KRAS: variants seen among roughly 807,000 people sequenced by gnomAD.
The protein encoded by KRAS is GTPase KRas.
KRAS carries 1 observed loss-of-function variant against 21.0 expected under a neutral mutation model. That is an observed-to-expected ratio of 0.05 (90% CI 0.02 to 0.23). KRAS has a LOEUF of 0.23. Ranked by LOEUF, KRAS falls within the 10% of genes least tolerant of loss-of-function variation. The probability of loss-of-function intolerance (pLI) is 1.00; values close to 1 mark genes in which losing one functional copy is unlikely to be tolerated. For missense variants in KRAS, 107 were observed against 221.8 expected, an observed-to-expected ratio of 0.48 and a Z score of 3.29; for synonymous variants, 67 against 72.5, an observed-to-expected ratio of 0.92 and a Z score of 0.39.
chr12:25,222,128 G>A (rs1383612139), intron 4 of KRAS, among the ~76,000 whole-genome samples: 4 of 141,262 alleles, frequency 2.8e-5, no homozygotes, highest in Admixed American at 1.4e-4. Context: ...CAGCCTGGGC[G>A]ACAAAGCAAG....
At chr12:25,225,028 A>G (rs1410786234) in intron 4 of KRAS, 1 of 151,998 alleles carries the variant, frequency 6.6e-6, no homozygotes, top group African/African-American at 2.4e-5. Flanking sequence ...AACAAAGATG[A>G]TTTTTGAAAC....
intron 2 of KRAS, among the ~76,000 whole-genome samples, chr12:25,241,278 T>C (rs981193384): frequency 6.6e-6 from 1 of 152,196 alleles, no homozygotes; most frequent in Non-Finnish European, 1.5e-5. Context: ...ACGAATATAT[T>C]TATAAATTGA....
chr12:25,236,634 AAGAG>A (rs1951547711), intron 2 of KRAS, among the ~76,000 whole-genome samples: 1 of 151,884 alleles, frequency 6.6e-6, no homozygotes, highest in Admixed American at 6.6e-5. Flanking sequence ...GGGTGGAAAT[AAGAG>A]AGAGAAGAAG....
intron 1 of KRAS, among the ~76,000 whole-genome samples, chr12:25,248,694 C>A (rs1253454939): frequency 6.6e-6 from 1 of 151,794 alleles, no homozygotes; most frequent in African/African-American, 2.4e-5. Context: ...AGGAGTCTTA[C>A]CAAATGAAGA....
chr12:25,225,961 G>C (rs1308967625), intron 3 of KRAS, among the ~76,000 whole-genome samples, 188 bp from the exon 4 acceptor site: 1 of 151,886 alleles, frequency 6.6e-6, no homozygotes, highest in African/African-American at 2.4e-5. Context: ...CAGAAACCTT[G>C]TATCTCTCTC....
chr12:25,219,903 C>T lies in KRAS; in HGVS notation c.450+5711G>A, dbSNP rs61762428. On this transcript the variant is annotated intron_variant, in intron 4 of 4. Coordinates refer to ENST00000311936, the MANE Select transcript of KRAS (RefSeq NM_004985.5). ...GGTTGTTTTGCAAAGCATTCTTTAA[C>T]GGGGTTCTTCTAACAATTAATTTAA... is the stretch of plus-strand genomic sequence containing the variant. 4.6e-3 allele frequency among the ~76,000 whole-genome samples: 686 copies of T among 149,182 alleles called. 5 individuals are homozygous for T. Among genetic ancestry groups the T allele is most frequent in the African/African-American group, 0.016 (634 of 40,746 alleles).
intron 2 of KRAS, among the ~76,000 whole-genome samples, chr12:25,230,543 A>C (rs982161706): frequency 1.3e-5 from 2 of 152,084 alleles, no homozygotes; most frequent in Admixed American, 6.5e-5. Flanking sequence ...CAGGAGAATC[A>C]CTTGAACCCG....
At chr12:25,249,225 G>A (rs182400164) in intron 1 of KRAS, among the ~76,000 whole-genome samples, 2 of 152,044 alleles carry the variant, frequency 1.3e-5, no homozygotes, top group African/African-American at 2.4e-5. Flanking sequence ...TGAAACCCCC[G>A]TCTCTACTAA....
Position 25,222,143 on chromosome 12 carries a change from C to T in KRAS, c.450+3471G>A, listed in dbSNP as rs577454751. On this transcript the variant is annotated intron_variant, in intron 4 of 4. Transcript: ENST00000311936. ...CAGCCTGGGCGACAAAGCAAGACTC[C>T]GTCTCAAAAAAAAAAAACAAGAAAG... Among the ~76,000 whole-genome samples the T allele has an allele frequency of 3.9e-4, 42 of 107,070 alleles. 1 individual carries two copies. In the South Asian group the frequency reaches 0.014, roughly 36 times the overall value. 70.2% of individuals were successfully genotyped at this position (107,070 alleles called of 152,430 possible).
chr12:25,225,286 T>TTA (rs68164603), intron 4 of KRAS: 1 of 10,624 alleles, frequency 9.4e-5, no homozygotes, highest in African/African-American at 4.6e-4. Context: ...GCCCTGTTCT[T>TTA]TATATATATA....
At chr12:25,240,488 G>T (rs61761086) in intron 2 of KRAS, among the ~76,000 whole-genome samples, 1 of 152,180 alleles carries the variant, frequency 6.6e-6, no homozygotes, top group Non-Finnish European at 1.5e-5. Flanking sequence ...ATGAACTGAT[G>T]TGCAGGCATT....
At chr12:25,215,424 A>AATTC in intron 4 of KRAS, 2 of 1,613,262 alleles carry the variant, frequency 1.2e-6, no homozygotes, top group Non-Finnish European at 1.7e-6. Context: ...TAATGTGCTG[A>AATTC]ACTTAAACTT....
chr12:25,227,491 C>T, intron 2 of KRAS, 79 bp from the exon 3 acceptor site: 1 of 1,291,150 alleles, frequency 7.7e-7, no homozygotes, highest in African/African-American at 1.5e-5. Flanking sequence ...AACTCAACAA[C>T]AAAAAATTCA....
chr12:25,215,775 T>G (rs1747502977), intron 4 of KRAS, among the ~76,000 whole-genome samples: 1 of 152,204 alleles, frequency 6.6e-6, no homozygotes, highest in Admixed American at 6.5e-5. Context: ...TCTAATGGAA[T>G]TAAATTTTAA....
chr12:25,235,248 T>C, intron 2 of KRAS: 1 of 559,382 alleles, frequency 1.8e-6, no homozygotes, highest in Non-Finnish European at 3.4e-6. Flanking sequence ...GATGAGAAAC[T>C]TTTACTCAAT....
chr12:25,229,795 G>A (rs566162977), intron 2 of KRAS, among the ~76,000 whole-genome samples: 13 of 146,284 alleles, frequency 8.9e-5, no homozygotes, highest in African/African-American at 3.0e-4. Context: ...TTGAGATGGA[G>A]TCTCGCTCTG....
chr12:25,248,231 C>A (rs1190539839), intron 1 of KRAS, among the ~76,000 whole-genome samples: 3 of 151,862 alleles, frequency 2.0e-5, no homozygotes, highest in African/African-American at 7.2e-5. Flanking sequence ...GAGGCTTAGG[C>A]GGGCGGATCA....
At position 25,208,183 on chromosome 12, in the gene KRAS, A is replaced by G; in HGVS notation, c.*1612T>C. ...ACATAGTTGTAAAAAAAAAAAACTA[A>G]GAGTTTGAGATGACTTCTTTTAACA... On this transcript the variant is annotated 3_prime_UTR_variant, in exon 5 of 5. Transcript: ENST00000311936. The G allele has an allele frequency of 4.3e-6, 1 of 232,994 alleles. No individual in the cohort carries two copies. Among genetic ancestry groups the G allele is most frequent in the Non-Finnish European group, 8.5e-6 (1 of 117,704 alleles). 14.4% of individuals were successfully genotyped at this position (232,994 alleles called of 1,614,324 possible).
chr12:25,229,606 C>A (rs986709804), intron 2 of KRAS, among the ~76,000 whole-genome samples: 4 of 148,638 alleles, frequency 2.7e-5, no homozygotes, highest in African/African-American at 1.1e-4. Flanking sequence ...CAAGATTTCA[C>A]ACATTCTGCC....
Sources: allele counts gnomAD v4.1 joint callset (sites outside exome capture counted in the v4.1 genomes callset), GRCh38; gene constraint gnomAD v4.1.1; transcripts MANE v1.5; gene names NCBI Gene and HGNC (gene_info 2026-07-23, HGNC 2026-07-21).